Variants in TOP2B observed in about 807,000 individuals in gnomAD.
TOP2B encodes DNA topoisomerase II beta.
In TOP2B, 51 loss-of-function variants were observed where a neutral mutation model predicts 193.5. The observed-to-expected ratio is 0.26, with a 90% CI of 0.21 to 0.33. TOP2B has a LOEUF of 0.33. Ranked by LOEUF, TOP2B falls within the 10% of genes least tolerant of loss-of-function variation. The probability of loss-of-function intolerance (pLI) is 1.00; values close to 1 mark genes in which losing one functional copy is unlikely to be tolerated. For missense variants in TOP2B, 1,378 were observed against 1,909.3 expected (o/e 0.72, Z 5.19); for synonymous variants, 634 against 635.7 (o/e 1.00, Z 0.04).
intron 1 of TOP2B, among the ~76,000 whole-genome samples, chr3:25,662,049 G>T (rs1255444771): frequency 6.6e-6 from 1 of 152,174 alleles, no homozygotes; most frequent in Non-Finnish European, 1.5e-5. Context: ...CCAGCTAAAA[G>T]ATATTTTATG....
At chr3:25,631,407 A>C (rs939131638) in intron 10 of TOP2B, among the ~76,000 whole-genome samples, 3 of 152,094 alleles carry the variant, frequency 2.0e-5, no homozygotes, top group African/African-American at 7.2e-5. Flanking sequence ...ATAGACTTTT[A>C]TTCTTTAAAT....
chr3:25,627,917 C>A (rs1396298562), intron 15 of TOP2B, among the ~76,000 whole-genome samples: 1 of 151,628 alleles, frequency 6.6e-6, no homozygotes, highest in Non-Finnish European at 1.5e-5. Context: ...TACAAATAGC[C>A]AGGCATAGTG....
chr3:25,640,624 G>C (rs1180657139), intron 4 of TOP2B, among the ~76,000 whole-genome samples: 4 of 151,934 alleles, frequency 2.6e-5, no homozygotes. Flanking sequence ...AAGTGATAAA[G>C]GCACTAGAAT....
chr3:25,627,085 A>G, intron 16 of TOP2B, 102 bp downstream of exon 16: 1 of 853,430 alleles, frequency 1.2e-6, no homozygotes, highest in Non-Finnish European at 1.9e-6. Context: ...AACTAGCTTG[A>G]GCATTCAAAA....
At position 25,628,933 on chromosome 3, in the gene TOP2B, T is replaced by C; in HGVS notation, c.1820A>G (p.Glu607Gly). 1 of 1,599,302 alleles carries C rather than the reference T, an allele frequency of 6.3e-7. No homozygotes were observed. The highest frequency in any genetic ancestry group is 8.5e-7 in the Non-Finnish European group (1 of 1,175,736). Residue 607 changes from glutamate (E) to glycine (G), a missense_variant, in exon 15 of 36, where the codon GAA becomes GGA. Physicochemically the swap from Glu to Gly is moderately conservative, Grantham distance 98 (BLOSUM62 -2). Transcript: ENST00000264331. ...PIVKASKNKQ[E>G]LSFYSIPEFD... ...TTCAGGAATACTGTAGAAGGAAAGT[T>C]CCTGCTTATTTTTGCTTGCCTTAAA...
Position 25,604,840 on chromosome 3 carries a change from T to C in TOP2B, c.4409A>G (p.Asp1470Gly), listed in dbSNP as rs771418956. The change falls in exon 33 of 36, where the codon GAT (aspartate) becomes GGT (glycine). Residue 1470 changes from aspartate (D) to glycine (G), a missense_variant. Asp to Gly is a moderately conservative substitution (Grantham distance 94). Coordinates refer to ENST00000264331, the MANE Select transcript of TOP2B (RefSeq NM_001330700.2). Reference protein sequence around the residue: ...DSAKFDSNEEDSASVFSPSFG... With the variant: ...DSAKFDSNEEGSASVFSPSFG... ...TGATGGTGAAAAAACAGAAGCAGAA[T>C]CTTCTTCATTACTGTCAAATTTAGC... The C allele has an allele frequency of 3.1e-6, 5 of 1,612,726 alleles. No individual in the cohort carries two copies. The East Asian group carries it at 6.7e-5, about 22-fold the overall frequency.
At position 25,632,575 on chromosome 3, in the gene TOP2B, G is replaced by A. The variant is rs749899522; in HGVS notation, c.1137C>T (p.Asn379=). ...GGCAATTAATAAAAACCCATATATG[G>A]TTTTTTACCTGTTGAAAACATACCC... The part of the protein sequence containing the change: ...GVSVKPFQVK[N]HIWVFINCLI... Residue 379 remains asparagine, a synonymous_variant, in exon 10 of 36, where the codon AAC becomes AAT. Transcript: ENST00000264331. 6.3e-7 allele frequency: 1 copy of A among 1,598,116 alleles called. No homozygotes were observed. Among genetic ancestry groups the A allele is most frequent in the East Asian group, 2.2e-5 (1 of 44,706 alleles).
chr3:25,664,538 G>A lies in TOP2B; in HGVS notation c.-241C>T, dbSNP rs1704031304. Reference sequence around the variant, plus strand: ...GTCCGCGTCGCCCGGGCCTAGCGCGGCGGCTGAGGAGAAAGCAGGGAGCGA... The same window carrying A: ...GTCCGCGTCGCCCGGGCCTAGCGCGACGGCTGAGGAGAAAGCAGGGAGCGA... On this transcript the variant is annotated 5_prime_UTR_variant, in exon 1 of 36. Transcript: ENST00000264331. 8.8e-7 allele frequency: 1 copy of A among 1,133,906 alleles called. No homozygotes were observed. The highest frequency in any genetic ancestry group is 4.4e-5 in the South Asian group (1 of 22,886). The allele number at this position is 1,133,906 out of a possible 1,614,324, so 70.2% of individuals were successfully genotyped here. A position where few individuals can be genotyped will look rare whatever the true frequency, so the allele number is the denominator to read the frequency against.
chr3:25,637,391 G>A, intron 5 of TOP2B, 79 bp from the exon 6 acceptor site: 2 of 1,016,890 alleles, frequency 2.0e-6, no homozygotes. Context: ...CATACGGCAA[G>A]GCTGTTGCAA....
At chr3:25,620,314 A>T (rs1180635955) in intron 22 of TOP2B, among the ~76,000 whole-genome samples, 1 of 152,082 alleles carries the variant, frequency 6.6e-6, no homozygotes, top group Non-Finnish European at 1.5e-5. Flanking sequence ...TATGAAAAGG[A>T]TGACATCAAC....
chr3:25,645,213 C>A (rs554617859), intron 2 of TOP2B, 87 bp downstream of exon 2: 1 of 1,228,566 alleles, frequency 8.1e-7, no homozygotes, highest in South Asian at 1.7e-5. Context: ...ATTTCCAAAG[C>A]AAGTAATTAC....
chr3:25,637,948 C>G (rs1464932691), intron 5 of TOP2B, among the ~76,000 whole-genome samples: 1 of 151,884 alleles, frequency 6.6e-6, no homozygotes, highest in East Asian at 1.9e-4. Context: ...AGTTAAACTT[C>G]CAGCAGTTCT....
At chr3:25,644,443 G>A (rs1703354399) in intron 2 of TOP2B, among the ~76,000 whole-genome samples, 1 of 152,134 alleles carries the variant, frequency 6.6e-6, no homozygotes, top group Admixed American at 6.5e-5. Context: ...GCTCACGCCT[G>A]TAATCCTAGC....
rs760180459 is a variant in TOP2B at position 25,609,163 on chromosome 3, T to C, written c.4093+20A>G. 3 of 1,587,738 alleles carry C rather than the reference T, an allele frequency of 1.9e-6. No homozygotes were observed. Among genetic ancestry groups the C allele is most frequent in the African/African-American group, 1.3e-5 (1 of 74,320 alleles). ...TAGGTTAAACTATAATATACAGTAA[T>C]ATTAAATGTGTTACAATACCTGCTG... On this transcript the variant is annotated intron_variant, in intron 30 of 35. Transcript: ENST00000264331.
chr3:25,634,811 T>G (rs1703061157), intron 7 of TOP2B, among the ~76,000 whole-genome samples: 1 of 148,620 alleles, frequency 6.7e-6, no homozygotes, highest in South Asian at 2.1e-4. Flanking sequence ...AAAAAAGGCT[T>G]ATTCTGCAGG....
At position 25,630,910 on chromosome 3, in the gene TOP2B, G is replaced by T; in HGVS notation, c.1296C>A (p.Ile432=). The T allele has an allele frequency of 6.3e-7, 1 of 1,599,506 alleles. No homozygotes were observed. Among genetic ancestry groups the T allele is most frequent in the East Asian group, 2.3e-5 (1 of 43,902 alleles). The change falls in exon 11 of 36, where the codon ATC becomes ATA. Residue 432 remains isoleucine (I), a synonymous_variant. Transcript: ENST00000264331. ...GAGCCTTAAATTTCACCCAGTTCAG[G>T]ATACTTTCTACAATGCCACAATTAG... is the stretch of plus-strand genomic sequence containing the variant. ...AASNCGIVES[I]LNWVKFKAQT...
intron 2 of TOP2B, 59 bp downstream of exon 2, chr3:25,645,241 A>T (rs2125396867): frequency 1.4e-6 from 2 of 1,384,736 alleles, no homozygotes; most frequent in Non-Finnish European, 1.9e-6. Context: ...TTATCAACAT[A>T]TTAAAAAGTA....
intron 19 of TOP2B, 24 bp downstream of exon 19, chr3:25,624,658 A>G (rs776836138): frequency 1.2e-6 from 2 of 1,611,022 alleles, no homozygotes; most frequent in East Asian, 2.2e-5. Context: ...ACAGTTCTCA[A>G]TTGATTCCAA....
chr3:25,640,509 T>C (rs1177825633), intron 4 of TOP2B, among the ~76,000 whole-genome samples: 1 of 152,000 alleles, frequency 6.6e-6, no homozygotes, highest in East Asian at 1.9e-4. Flanking sequence ...GAAAAAAAAA[T>C]TGATACCTCA....
Sources: gnomAD v4.1 joint callset for allele counts (sites outside exome capture counted in the v4.1 genomes callset) on GRCh38, gnomAD v4.1.1 for gene constraint, MANE v1.5 for transcripts, NCBI Gene and HGNC (gene_info 2026-07-23, HGNC 2026-07-21) for gene names.